Variants in GRIA1 observed in about 807,000 individuals in gnomAD.
GRIA1 encodes the protein glutamate ionotropic receptor AMPA type subunit 1.
Under a neutral mutation model 99.2 loss-of-function variants are expected in GRIA1, and 31 were observed. That is an observed-to-expected ratio of 0.31 (90% confidence interval 0.23 to 0.42). The LOEUF is 0.42. GRIA1 is among the 10% of genes least tolerant of loss of function. GRIA1 has a pLI of 1.00. For missense variants in GRIA1, 782 were observed against 1,157.5 expected, an observed-to-expected ratio of 0.68 and a Z score of 4.71; for synonymous variants, 438 against 432.4, an observed-to-expected ratio of 1.01 and a Z score of -0.16.
At chr5:153,496,691 T>C (rs1216536760) in intron 2 of GRIA1, among the ~76,000 whole-genome samples, 1 of 152,168 alleles carries the variant, frequency 6.6e-6, no homozygotes. Flanking sequence ...CCAATTTTAA[T>C]TGAGTAAAAA....
chr5:153,767,542 T>C (rs2149612817), intron 12 of GRIA1, among the ~76,000 whole-genome samples: 1 of 152,288 alleles, frequency 6.6e-6, no homozygotes, highest in East Asian at 1.9e-4. Flanking sequence ...GCATAAGCCT[T>C]TCCATCTCTG....
intron 4 of GRIA1, among the ~76,000 whole-genome samples, chr5:153,651,971 A>T (rs751710129): frequency 6.6e-6 from 1 of 152,298 alleles, no homozygotes; most frequent in African/African-American, 2.4e-5. Flanking sequence ...CAAGTTCTTG[A>T]TCTGTAAAAT....
intron 11 of GRIA1, among the ~76,000 whole-genome samples, chr5:153,751,749 T>C (rs1394941698): frequency 6.6e-6 from 1 of 152,230 alleles, no homozygotes; most frequent in East Asian, 1.9e-4. Context: ...ACCCAGAGAA[T>C]GGTCCCATCA....
rs1754170362 is a variant in GRIA1, at chr5:153,493,932, A to G, written c.87A>G (p.Gly29=). The part of the protein sequence containing the change: ...ANFPNNIQIG[G]LFPNQQSQEH... Reference sequence around the variant, plus strand: ...TTGCATTTTCTTTTCTCATAGGGGGATTATTTCCAAACCAGCAGTCACAGG... The same window carrying G: ...TTGCATTTTCTTTTCTCATAGGGGGGTTATTTCCAAACCAGCAGTCACAGG... Residue 29 remains glycine, a synonymous_variant, in exon 2 of 16, where the codon GGA becomes GGG. Transcript: ENST00000285900. 1 of 1,613,602 alleles carries G rather than the reference A, an allele frequency of 6.2e-7. No homozygotes were observed. The highest frequency in any genetic ancestry group is 8.5e-7 in the Non-Finnish European group (1 of 1,179,870).
intron 11 of GRIA1, among the ~76,000 whole-genome samples, chr5:153,753,004 C>T (rs552530255): frequency 6.6e-6 from 1 of 152,252 alleles, no homozygotes; most frequent in Non-Finnish European, 1.5e-5. Context: ...ATGCAGCAAC[C>T]TCTAGAAGAT....
At chr5:153,700,981 G>A (rs1758476409) in intron 10 of GRIA1, among the ~76,000 whole-genome samples, 1 of 152,184 alleles carries the variant, frequency 6.6e-6, no homozygotes, top group Non-Finnish European at 1.5e-5. Flanking sequence ...GAAGCTCCAT[G>A]GACAAAAGGT....
At chr5:153,491,010 TGGC>T (rs747137692) in intron 1 of GRIA1, 40 bp downstream of exon 1, 5 of 1,581,636 alleles carry the variant, frequency 3.2e-6, no homozygotes, top group Non-Finnish European at 4.3e-6. Flanking sequence ...TTTCTGGGTC[TGGC>T]CAGGGATTTT....
intron 2 of GRIA1, among the ~76,000 whole-genome samples, chr5:153,527,756 A>G (rs779778826): frequency 2.0e-5 from 3 of 152,240 alleles, no homozygotes; most frequent in Non-Finnish European, 4.4e-5. Context: ...TGTGTACATG[A>G]AAACATGGAA....
chr5:153,764,374 C>A (rs1395782822), intron 11 of GRIA1, 60 bp from the exon 12 acceptor site: 9 of 1,347,426 alleles, frequency 6.7e-6, no homozygotes, highest in Non-Finnish European at 9.6e-6. Context: ...CTCAGTCCCT[C>A]CCCAGAGCTT....
At chr5:153,743,269 C>G (rs1561821273) in intron 11 of GRIA1, among the ~76,000 whole-genome samples, 2 of 152,172 alleles carry the variant, frequency 1.3e-5, no homozygotes, top group Non-Finnish European at 2.9e-5. Context: ...TTTTCCATTG[C>G]TGTGTAATGA....
intron 13 of GRIA1, among the ~76,000 whole-genome samples, chr5:153,777,451 A>G (rs1561852164): frequency 6.6e-6 from 1 of 152,074 alleles, no homozygotes; most frequent in African/African-American, 2.4e-5. Context: ...AACTTCATAA[A>G]CGTCTGTCTT....
At chr5:153,532,626 T>C (rs1255741462) in intron 2 of GRIA1, among the ~76,000 whole-genome samples, 1 of 152,200 alleles carries the variant, frequency 6.6e-6, no homozygotes. Flanking sequence ...TCATTTATTA[T>C]TATCCTTGCT....
intron 14 of GRIA1, among the ~76,000 whole-genome samples, chr5:153,799,082 C>CT (rs574039720): frequency 1.7e-5 from 1 of 59,362 alleles, no homozygotes; most frequent in African/African-American, 9.6e-5. Flanking sequence ...GACTTTTCCA[C>CT]CCCCCCCTGA....
intron 13 of GRIA1, among the ~76,000 whole-genome samples, chr5:153,777,571 C>G (rs1764338323): frequency 6.6e-6 from 1 of 152,126 alleles, no homozygotes; most frequent in Non-Finnish European, 1.5e-5. Context: ...TTTTCTACCC[C>G]TCTCCTCCTC....
intron 2 of GRIA1, among the ~76,000 whole-genome samples, chr5:153,603,143 A>G (rs1174923798): frequency 6.6e-6 from 1 of 151,908 alleles, no homozygotes; most frequent in Admixed American, 6.6e-5. Flanking sequence ...TCATTGTTCA[A>G]TTCCCACCTA....
intron 2 of GRIA1, among the ~76,000 whole-genome samples, chr5:153,557,350 C>T (rs1760740395): frequency 6.6e-6 from 1 of 152,158 alleles, no homozygotes. Context: ...CTGCAACCTC[C>T]ACCTCCCAGG....
At chr5:153,622,527 AG>A (rs1767151342) in intron 2 of GRIA1, among the ~76,000 whole-genome samples, 1 of 152,256 alleles carries the variant, frequency 6.6e-6, no homozygotes, top group South Asian at 2.1e-4. Flanking sequence ...AGATTCAGAA[AG>A]TATGGATACC....
intron 2 of GRIA1, among the ~76,000 whole-genome samples, chr5:153,591,402 G>GT (rs1169239140): frequency 6.6e-6 from 1 of 152,158 alleles, no homozygotes; most frequent in Non-Finnish European, 1.5e-5. Flanking sequence ...ATCCCATTGA[G>GT]TATCGCACGA....
At chr5:153,769,001 C>A (rs1763704268) in intron 12 of GRIA1, among the ~76,000 whole-genome samples, 1 of 152,114 alleles carries the variant, frequency 6.6e-6, no homozygotes, top group Admixed American at 6.5e-5. Flanking sequence ...GACTAAGGGC[C>A]TACCATGTGC....
Sources: allele counts gnomAD v4.1 joint callset (sites outside exome capture counted in the v4.1 genomes callset), GRCh38; gene constraint gnomAD v4.1.1; transcripts MANE v1.5; gene names NCBI Gene and HGNC (gene_info 2026-07-23, HGNC 2026-07-21).